FYN: variants seen among roughly 807,000 people sequenced by gnomAD.
FYN encodes tyrosine-protein kinase Fyn.
Under a neutral mutation model 70.2 loss-of-function variants are expected in FYN, and 10 were observed. The ratio of observed to expected loss-of-function variants is 0.14; its 90% CI spans 0.09 to 0.24. The LOEUF is 0.24. FYN is among the 10% of genes least tolerant of loss of function. The pLI is 1.00. For synonymous variants in FYN, 236 were observed against 248.6 expected (o/e 0.95, Z 0.48); for missense variants, 319 against 673.1 (o/e 0.47, Z 5.82).
intron 3 of FYN, among the ~76,000 whole-genome samples, chr6:111,757,538 C>T (rs960066337): frequency 5.3e-5 from 8 of 152,124 alleles, no homozygotes; most frequent in Admixed American, 3.3e-4. Flanking sequence ...TCAAACTCTG[C>T]CTAAAAGGAA....
rs1471787353 is a variant in FYN, at chr6:111,694,553, A to T, written c.1120-25T>A. The T allele has an allele frequency of 1.9e-6, 3 of 1,613,940 alleles. No homozygotes were observed. The African/African-American group carries it at 4.0e-5, about 22-fold the overall frequency. On this transcript the variant is annotated intron_variant, in intron 11 of 13. Transcript: ENST00000354650. This position sits in a 1 kb window ranked among gnomAD's most constrained non-coding sequence, Gnocchi z 5.0. ...CCTGTGGAAACCCAGGGAACAGGAC[A>T]TGTTACACCACGACCCAATGTACTT...
chr6:111,798,009 C>G (rs1396710789), intron 2 of FYN, among the ~76,000 whole-genome samples: 1 of 151,982 alleles, frequency 6.6e-6, no homozygotes, highest in Admixed American at 6.5e-5. Context: ...GTGATCCGCC[C>G]GCCTCGGCCT....
intron 2 of FYN, among the ~76,000 whole-genome samples, chr6:111,794,818 C>A (rs1771750774): frequency 6.6e-6 from 1 of 152,068 alleles, no homozygotes; most frequent in South Asian, 2.1e-4. Flanking sequence ...ACTATCTGGC[C>A]CTTTACAGAA....
intron 3 of FYN, among the ~76,000 whole-genome samples, chr6:111,722,436 A>G (rs924849327): frequency 5.3e-5 from 8 of 152,234 alleles, no homozygotes; most frequent in African/African-American, 1.9e-4. Context: ...GCTTCATCAG[A>G]CTGATAACTT....
At chr6:111,775,057 C>T (rs1443683610) in intron 3 of FYN, among the ~76,000 whole-genome samples, 1 of 152,112 alleles carries the variant, frequency 6.6e-6, no homozygotes, top group Non-Finnish European at 1.5e-5. Context: ...CCTACGATAC[C>T]CTAATATGCA....
At chr6:111,710,108 C>T (rs706879) in intron 5 of FYN, among the ~76,000 whole-genome samples, 20,108 of 152,120 alleles carry the variant, frequency 0.13, 2,566 homozygotes, top group African/African-American at 0.33. Flanking sequence ...TACCCAGCTC[C>T]TCCCCCTCCA....
At chr6:111,754,518 T>A (rs1318446518) in intron 3 of FYN, 1 of 152,282 alleles carries the variant, frequency 6.6e-6, no homozygotes, top group East Asian at 1.9e-4. Flanking sequence ...CTAAACCAAG[T>A]TGGATCTTTC....
intron 12 of FYN, among the ~76,000 whole-genome samples, chr6:111,679,334 C>CT (rs1274241851): frequency 1.3e-5 from 2 of 152,144 alleles, no homozygotes; most frequent in East Asian, 3.9e-4. Flanking sequence ...GTTGTCACTA[C>CT]TTTTTTTCAG....
intron 4 of FYN, among the ~76,000 whole-genome samples, chr6:111,715,652 C>A (rs1800602061): frequency 1.3e-5 from 2 of 152,108 alleles, no homozygotes; most frequent in East Asian, 1.9e-4. Context: ...TGGCCTCTGG[C>A]CAACAGCCAG....
chr6:111,714,279 G>T, intron 5 of FYN, 68 bp downstream of exon 5: 1 of 960,722 alleles, frequency 1.0e-6, no homozygotes, highest in South Asian at 1.3e-5. Flanking sequence ...AAGAGATGCA[G>T]ACCAGAAATG....
intron 2 of FYN, among the ~76,000 whole-genome samples, chr6:111,783,758 G>A (rs61085139): frequency 6.6e-6 from 1 of 152,346 alleles, no homozygotes; most frequent in African/African-American, 2.4e-5. Context: ...TGCACCCACA[G>A]TGCTCATGGG....
At chr6:111,859,446 G>A (rs1773903658) in intron 1 of FYN, among the ~76,000 whole-genome samples, 1 of 152,004 alleles carries the variant, frequency 6.6e-6, no homozygotes, top group South Asian at 2.1e-4. Flanking sequence ...TTAGTGGCTG[G>A]CTGAATTTTT....
intron 2 of FYN, chr6:111,819,952 T>C (rs560089893): frequency 6.6e-6 from 1 of 152,362 alleles, no homozygotes; most frequent in African/African-American, 2.4e-5. Flanking sequence ...AACTCATCCA[T>C]CCCTGACAAA....
intron 2 of FYN, among the ~76,000 whole-genome samples, chr6:111,785,074 G>A (rs1351811457): frequency 6.6e-6 from 1 of 152,152 alleles, no homozygotes; most frequent in Non-Finnish European, 1.5e-5. Context: ...TTGTTGTATT[G>A]ACTTGATGAA....
chr6:111,864,829 G>A (rs757268612), intron 1 of FYN, among the ~76,000 whole-genome samples: 6 of 152,174 alleles, frequency 3.9e-5, no homozygotes, highest in Non-Finnish European at 8.8e-5. Context: ...CTAGTTATTA[G>A]CTGTGTGACC....
chr6:111,844,451 A>G (rs920995959), intron 2 of FYN, among the ~76,000 whole-genome samples: 2 of 152,212 alleles, frequency 1.3e-5, no homozygotes, highest in African/African-American at 4.8e-5. Flanking sequence ...AAGTTGATAG[A>G]TCCGTGTTCA....
chr6:111,778,581 T>C (rs1345922046), intron 3 of FYN, among the ~76,000 whole-genome samples: 1 of 152,034 alleles, frequency 6.6e-6, no homozygotes, highest in Non-Finnish European at 1.5e-5. Context: ...GTTTTTGTTT[T>C]TTTTTTAGAT....
chr6:111,868,143 A>C (rs1774167132), intron 1 of FYN, among the ~76,000 whole-genome samples: 1 of 151,762 alleles, frequency 6.6e-6, no homozygotes, highest in Non-Finnish European at 1.5e-5. Context: ...TTCCAGGTTC[A>C]TGCTCCATTC....
intron 2 of FYN, among the ~76,000 whole-genome samples, chr6:111,838,786 G>A (rs1009307549): frequency 1.3e-5 from 2 of 152,234 alleles, no homozygotes; most frequent in African/African-American, 4.8e-5. Flanking sequence ...TATGGTATGT[G>A]TGGATAGGAT....
Sources: gnomAD v4.1 joint callset for allele counts (sites outside exome capture counted in the v4.1 genomes callset) on GRCh38, gnomAD v4.1.1 for gene constraint, Gnocchi (gnomAD v3.1) non-coding constraint, MANE v1.5 for transcripts, NCBI Gene and HGNC (gene_info 2026-07-23, HGNC 2026-07-21) for gene names.